NUP155: variants seen among roughly 807,000 people sequenced by gnomAD.
The protein encoded by NUP155 is nucleoporin 155.
In NUP155, 71 loss-of-function variants were observed where a neutral mutation model predicts 180.4. The observed-to-expected ratio is 0.39, with a 90% CI of 0.33 to 0.48. The LOEUF is 0.48. NUP155 is among the 20% of genes least tolerant of loss of function. NUP155 has a pLI of 0.91. For missense variants in NUP155, 1,553 were observed against 1,648.9 expected (o/e 0.94, Z 1.01); for synonymous variants, 582 against 559.5 (o/e 1.04, Z -0.57).
intron 18 of NUP155, 25 bp from the exon 19 acceptor site, chr5:37,325,992 T>A: frequency 6.7e-7 from 1 of 1,481,790 alleles, no homozygotes; most frequent in South Asian, 1.1e-5. Context: ...GTTTTAATGA[T>A]TGTGCTGTAA....
At position 37,371,064 on chromosome 5, in the gene NUP155, C is replaced by A; in HGVS notation, c.-87G>T. ...ATCCAAGAAGTTAGCTTAGATCCGC[C>A]GCCTAGGGCGCGCGCGCCAAACGAG... On this transcript the variant is annotated 5_prime_UTR_variant, in exon 1 of 35. Transcript: ENST00000231498. 3.5e-6 allele frequency: 5 copies of A among 1,424,778 alleles called. No individual in the cohort carries two copies. The South Asian group carries it at 3.5e-5, about 10-fold the overall frequency. 88.3% of individuals were successfully genotyped at this position (1,424,778 alleles called of 1,614,324 possible). A position where few individuals can be genotyped will look rare whatever the true frequency, so the allele number is the denominator to read the frequency against.
intron 14 of NUP155, 87 bp from the exon 15 acceptor site, chr5:37,330,219 A>G: frequency 1.1e-6 from 1 of 903,974 alleles, no homozygotes; most frequent in Non-Finnish European, 1.8e-6. Context: ...TAAAGTCTGT[A>G]TCTAGCACAG....
chr5:37,357,995 A>G, intron 4 of NUP155, 86 bp downstream of exon 4: 1 of 978,542 alleles, frequency 1.0e-6, no homozygotes, highest in Non-Finnish European at 1.6e-6. Context: ...TCCATCTCGA[A>G]AAAAATGTGT....
chr5:37,303,215 G>A lies in NUP155; in HGVS notation c.3317+45C>T, dbSNP rs767653045. On this transcript the variant is annotated intron_variant, in intron 28 of 34. Transcript: ENST00000231498. The stretch of plus-strand genomic sequence containing the variant: ...AGAAAACTGAATGTAAGTACATATA[G>A]CTCAGTTTTGAATCATTCTTCACAA... 9 of 1,597,932 alleles carry A rather than the reference G, an allele frequency of 5.6e-6. No individual in the cohort carries two copies. In the South Asian group the frequency reaches 8.8e-5, roughly 16 times the overall value.
intron 1 of NUP155, among the ~76,000 whole-genome samples, chr5:37,366,931 T>C (rs1333072236): frequency 2.0e-5 from 3 of 152,178 alleles, no homozygotes; most frequent in African/African-American, 4.8e-5. Flanking sequence ...ATTACAGGCG[T>C]GAGCCACCGT....
At chr5:37,363,040 T>C (rs1179214346) in intron 3 of NUP155, among the ~76,000 whole-genome samples, 1 of 152,028 alleles carries the variant, frequency 6.6e-6, no homozygotes, top group Non-Finnish European at 1.5e-5. Flanking sequence ...AGCTCCCGAG[T>C]GGCTGGGACT....
At chr5:37,295,531 C>T (rs1742491239) in intron 32 of NUP155, among the ~76,000 whole-genome samples, 1 of 151,088 alleles carries the variant, frequency 6.6e-6, no homozygotes, top group African/African-American at 2.4e-5. Flanking sequence ...TGAGGAGCCC[C>T]TCTGCCTGGC....
intron 4 of NUP155, among the ~76,000 whole-genome samples, chr5:37,356,229 CAAAAAAAA>C (rs35469429): frequency 1.1e-5 from 1 of 91,496 alleles, no homozygotes; most frequent in Admixed American, 1.2e-4. Flanking sequence ...AATTCCATCT[CAAAAAAAA>C]AAAAAAAAAA....
At chr5:37,319,415 G>A (rs1561781437) in intron 20 of NUP155, among the ~76,000 whole-genome samples, 2 of 152,146 alleles carry the variant, frequency 1.3e-5, no homozygotes, top group South Asian at 2.1e-4. Flanking sequence ...GAATCCAAGG[G>A]TTGGTCGAAA....
At chr5:37,309,010 G>T in intron 24 of NUP155, 119 bp downstream of exon 24, 1 of 1,011,064 alleles carries the variant, frequency 9.9e-7, no homozygotes. Flanking sequence ...CTCGGCCTCT[G>T]ATGCTGAAAG....
chr5:37,308,906 A>G (rs1743348055), intron 24 of NUP155, among the ~76,000 whole-genome samples: 1 of 146,906 alleles, frequency 6.8e-6, no homozygotes, highest in Admixed American at 6.7e-5. Flanking sequence ...AAAAAAGTAC[A>G]TTTCAAAAAA....
chr5:37,351,158 G>GAA, intron 6 of NUP155, 32 bp downstream of exon 6: 4 of 1,525,822 alleles, frequency 2.6e-6, no homozygotes, highest in Non-Finnish European at 2.7e-6. Flanking sequence ...CATCAAGAGA[G>GAA]AAAAAAAAAC....
At chr5:37,341,520 C>T (rs774181491) in intron 10 of NUP155, among the ~76,000 whole-genome samples, 6 of 151,910 alleles carry the variant, frequency 3.9e-5, no homozygotes, top group Admixed American at 3.3e-4. Context: ...TGCCACCACA[C>T]CCGTCTAATT....
intron 22 of NUP155, among the ~76,000 whole-genome samples, chr5:37,313,473 A>ATGTGTGTGTGTGTGTGTG (rs34904169): frequency 7.0e-6 from 1 of 143,460 alleles, no homozygotes; most frequent in Non-Finnish European, 1.5e-5. Flanking sequence ...AGTGGTGTAT[A>ATGTGTGTGTGTGTGTGTG]TGTGTGTGTG....
chr5:37,364,302 C>A lies in NUP155; in HGVS notation c.240G>T (p.Glu80Asp), dbSNP rs2111722998. The A allele has an allele frequency of 1.2e-6, 2 of 1,612,594 alleles. No homozygotes were observed. Among genetic ancestry groups the A allele is most frequent in the East Asian group, 4.5e-5 (2 of 44,884 alleles). The change falls in exon 2 of 35, where the codon GAG becomes GAT. Residue 80 changes from glutamate to aspartate, a missense_variant. Transcript: ENST00000231498. ...PGLLSVPNLPEISSIRRVPLP... is the reference protein window; with the variant it reads ...PGLLSVPNLPDISSIRRVPLP... ...GAGGAACTCTTCGGATGGAACTGAT[C>A]TCTGGAAGGTTGGGTACGGACAGCA... is the stretch of plus-strand genomic sequence containing the variant.
chr5:37,315,346 CTTA>C (rs1743815476), intron 21 of NUP155, among the ~76,000 whole-genome samples: 1 of 152,200 alleles, frequency 6.6e-6, no homozygotes, highest in Non-Finnish European at 1.5e-5. Context: ...CATGCAATAA[CTTA>C]TTATTGTTCT....
At chr5:37,307,251 G>T in intron 25 of NUP155, 46 bp downstream of exon 25, 1 of 1,567,922 alleles carries the variant, frequency 6.4e-7, no homozygotes, top group South Asian at 1.1e-5. Flanking sequence ...GCAAAGAAAA[G>T]TCTGTATCCA....
rs1363752597 is a variant in NUP155 at position 37,342,545 on chromosome 5, A to T, written c.1093+4T>A. ...ATAGCAGATATGTAAATAAAACAAC[A>T]TACCTGCATGTGTGACAGCCAATAA... On this transcript the variant is annotated splice_donor_region_variant and intron_variant, in intron 10 of 34. Coordinates refer to ENST00000231498, the MANE Select transcript of NUP155 (RefSeq NM_153485.3). The T allele has an allele frequency of 6.3e-7, 1 of 1,583,300 alleles. No homozygotes were observed. Among genetic ancestry groups the T allele is most frequent in the Non-Finnish European group, 8.7e-7 (1 of 1,151,988 alleles).
chr5:37,333,516 C>T lies in NUP155; in HGVS notation c.1465G>A (p.Val489Ile), dbSNP rs1262704163. 10 of 1,613,718 alleles carry T rather than the reference C, an allele frequency of 6.2e-6. No individual in the cohort carries two copies. Among genetic ancestry groups the T allele is most frequent in the Non-Finnish European group, 8.5e-6 (10 of 1,179,660 alleles). ...DHIPITDSPV[V>I]VQQHMLPPKK... is the part of the protein sequence containing the mutation. Reference sequence around the variant, plus strand: ...GGAGGTAACATGTGCTGCTGTACAACAACTGGTGAATCAGTTATTGGAATA... The same window carrying T: ...GGAGGTAACATGTGCTGCTGTACAATAACTGGTGAATCAGTTATTGGAATA... Residue 489 changes from valine to isoleucine, a missense_variant, in exon 13 of 35, where the codon GTT becomes ATT. Physicochemically the swap from Val to Ile is conservative, Grantham distance 29 (BLOSUM62 3). Coordinates refer to ENST00000231498, the MANE Select transcript of NUP155 (RefSeq NM_153485.3).
Sources: allele counts gnomAD v4.1 joint callset (sites outside exome capture counted in the v4.1 genomes callset), GRCh38; gene constraint gnomAD v4.1.1; transcripts MANE v1.5; gene names NCBI Gene and HGNC (gene_info 2026-07-23, HGNC 2026-07-21).